The following PLCH1 variants were observed in gnomAD, a reference collection of about 807,000 sequenced individuals.
PLCH1 encodes phospholipase C eta 1, also known as 1-phosphatidylinositol 4,5-bisphosphate phosphodiesterase eta-1.
A neutral mutation model predicts 126.7 loss-of-function variants in PLCH1; 60 were observed. The observed-to-expected ratio is 0.47, with a 90% confidence interval of 0.38 to 0.59. PLCH1 has a LOEUF of 0.59. Ranked by LOEUF, PLCH1 falls within the 20% of genes least tolerant of loss-of-function variation. PLCH1 has a pLI of 0.00. For synonymous variants in PLCH1, 719 were observed against 734.9 expected (o/e 0.98, Z 0.35); for missense variants, 1,723 against 2,040.0 (o/e 0.84, Z 2.99).
intron 2 of PLCH1, among the ~76,000 whole-genome samples, chr3:155,700,746 C>T (rs993982059): frequency 1.3e-5 from 2 of 152,122 alleles, no homozygotes; most frequent in African/African-American, 2.4e-5. Context: ...ATCAAGACTG[C>T]ATCCCAGGTC....
intron 1 of PLCH1, among the ~76,000 whole-genome samples, chr3:155,714,139 T>C (rs530761848): frequency 1.4e-3 from 211 of 152,336 alleles, no homozygotes; most frequent in African/African-American, 4.9e-3. Flanking sequence ...ACATAACGTA[T>C]GTTTGGGAAT....
intron 2 of PLCH1, chr3:155,676,248 A>T (rs895201008): frequency 5.3e-5 from 65 of 1,224,374 alleles, no homozygotes; most frequent in Non-Finnish European, 6.6e-5. Flanking sequence ...AAATAAATCC[A>T]TGAGATATGA....
At chr3:155,735,685 A>G (rs1407001042) in intron 1 of PLCH1, among the ~76,000 whole-genome samples, 4 of 152,142 alleles carry the variant, frequency 2.6e-5, no homozygotes, top group Non-Finnish European at 1.5e-5. Flanking sequence ...CTTACAGCAA[A>G]AAAGAAAAAG....
At chr3:155,561,864 C>T (rs925218814) in intron 8 of PLCH1, among the ~76,000 whole-genome samples, 1 of 152,178 alleles carries the variant, frequency 6.6e-6, no homozygotes, top group East Asian at 1.9e-4. Flanking sequence ...TCACTGCAAC[C>T]TCTGCCTCCT....
At chr3:155,719,083 G>A (rs1455225418) in intron 1 of PLCH1, among the ~76,000 whole-genome samples, 1 of 152,054 alleles carries the variant, frequency 6.6e-6, no homozygotes, top group Non-Finnish European at 1.5e-5. Context: ...CTTTAGTGGT[G>A]ATTTCTGAGA....
At position 155,549,812 on chromosome 3, in the gene PLCH1, C is replaced by T. The variant is rs745842023; in HGVS notation, c.1337G>A (p.Ser446Asn). The T allele has an allele frequency of 3.1e-6, 5 of 1,612,582 alleles. No homozygotes were observed. In the African/African-American group the frequency reaches 6.7e-5, roughly 22 times the overall value. The change falls in exon 10 of 23, where the codon AGT (serine) becomes AAT (asparagine). Residue 446 changes from serine to asparagine, a missense_variant. By Grantham distance (46) the Ser-to-Asn change is conservative. Transcript: ENST00000460012. ...CTTCACTAGAATTTTGCCTTTCAAA[C>T]TTTGAGGGCTTGGAAGCTGCTTGCA... ...GECKQLPSPQSLKGKILVKGK... is the reference protein window; with the variant it reads ...GECKQLPSPQNLKGKILVKGK...
intron 2 of PLCH1, among the ~76,000 whole-genome samples, chr3:155,662,717 T>C (rs1034277707): frequency 6.6e-6 from 1 of 152,144 alleles, no homozygotes; most frequent in Non-Finnish European, 1.5e-5. Context: ...CTGACTGGAG[T>C]GCAGTGGCGC....
chr3:155,585,437 G>A (rs1407197832), intron 5 of PLCH1, among the ~76,000 whole-genome samples: 1 of 152,158 alleles, frequency 6.6e-6, no homozygotes, highest in African/African-American at 2.4e-5. Context: ...CATTGTCTTT[G>A]CCCTGACTTA....
At chr3:155,577,306 G>A (rs1730106139) in intron 6 of PLCH1, among the ~76,000 whole-genome samples, 1 of 151,980 alleles carries the variant, frequency 6.6e-6, no homozygotes, top group South Asian at 2.1e-4. Context: ...TACTAATAAA[G>A]GGTGAACATT....
intron 2 of PLCH1, among the ~76,000 whole-genome samples, chr3:155,669,887 A>G: frequency 6.6e-6 from 1 of 152,202 alleles, no homozygotes; most frequent in East Asian, 1.9e-4. Context: ...TTTGTTGATC[A>G]CATAAAAGTT....
chr3:155,733,934 C>CATATATATATATATATAT (rs35149793), intron 1 of PLCH1, among the ~76,000 whole-genome samples: 3 of 98,166 alleles, frequency 3.1e-5, no homozygotes, highest in East Asian at 3.5e-4. Flanking sequence ...AACAGGTATA[C>CATATATATATATATATAT]ATATATATAT....
At chr3:155,556,866 C>T (rs1015792124) in intron 8 of PLCH1, among the ~76,000 whole-genome samples, 2 of 152,224 alleles carry the variant, frequency 1.3e-5, no homozygotes, top group Admixed American at 1.3e-4. Flanking sequence ...CAACGAATCT[C>T]AATCTCTTGC....
At chr3:155,585,259 T>G (rs1731210096) in intron 5 of PLCH1, among the ~76,000 whole-genome samples, 1 of 152,150 alleles carries the variant, frequency 6.6e-6, no homozygotes, top group Admixed American at 6.5e-5. Flanking sequence ...TCTTACCACC[T>G]CTAAGAACAA....
chr3:155,508,778 G>A lies in PLCH1; in HGVS notation c.1633-4152C>T, dbSNP rs370982303. ...TGCCAGTATTTTATTGAGGATTTTTGCATCAATGTTCATCAAGGATATTGG... is the reference window on the plus strand; with the variant it reads ...TGCCAGTATTTTATTGAGGATTTTTACATCAATGTTCATCAAGGATATTGG... On this transcript the variant is annotated intron_variant, in intron 12 of 22. Coordinates refer to ENST00000460012, the MANE Select transcript of PLCH1 (RefSeq NM_014996.4). Among the ~76,000 whole-genome samples the A allele has an allele frequency of 4.0e-3, 352 of 87,214 alleles. 14 individuals are homozygous for A. In the East Asian group the frequency reaches 0.082, roughly 20 times the overall value. The allele number at this position is 87,214 out of a possible 152,430, so 57.2% of individuals were successfully genotyped here.
intron 6 of PLCH1, among the ~76,000 whole-genome samples, chr3:155,575,341 G>A (rs1028396288): frequency 3.3e-5 from 5 of 152,122 alleles, no homozygotes; most frequent in South Asian, 2.1e-4. Context: ...AACCATTCTG[G>A]ATTCAATGAA....
intron 22 of PLCH1, chr3:155,483,280 T>C (rs1324797800): frequency 1.8e-5 from 19 of 1,066,068 alleles, no homozygotes; most frequent in Non-Finnish European, 5.5e-6. Flanking sequence ...CTATTACATC[T>C]GCTAAGGATG....
At chr3:155,483,412 C>G (rs1445181425) in intron 22 of PLCH1, 3 of 1,498,786 alleles carry the variant, frequency 2.0e-6, no homozygotes, top group Non-Finnish European at 2.7e-6. Flanking sequence ...CAGAACAAGA[C>G]AGCTCTGTTA....
intron 6 of PLCH1, among the ~76,000 whole-genome samples, chr3:155,582,048 C>CT (rs747425959): frequency 0.056 from 6,499 of 115,862 alleles, 237 homozygotes; most frequent in Middle Eastern, 0.16. Context: ...GTGCCCAGCC[C>CT]TTTTTTTTTT....
intron 2 of PLCH1, among the ~76,000 whole-genome samples, chr3:155,624,000 A>T (rs982502154): frequency 6.6e-6 from 1 of 152,240 alleles, no homozygotes; most frequent in South Asian, 2.1e-4. Context: ...GAACACCTTC[A>T]ATAAAATACT....
Sources: allele counts gnomAD v4.1 joint callset (sites outside exome capture counted in the v4.1 genomes callset), GRCh38; gene constraint gnomAD v4.1.1; transcripts MANE v1.5; gene names NCBI Gene and HGNC (gene_info 2026-07-23, HGNC 2026-07-21).